Variants in ATR observed in about 807,000 individuals in gnomAD.
The protein encoded by ATR is ATR checkpoint kinase, also known as serine/threonine-protein kinase ATR.
A neutral mutation model predicts 305.3 loss-of-function variants in ATR; 142 were observed. The observed-to-expected ratio is 0.47, with a 90% CI of 0.41 to 0.53. The LOEUF (loss-of-function observed/expected upper bound fraction) is 0.53. Among genes scored for constraint, ATR ranks in the 20% least tolerant of loss-of-function variants. The pLI is 0.00. For missense variants in ATR, 2,135 were observed against 3,133.1 expected, an observed-to-expected ratio of 0.68 and a Z score of 7.60; for synonymous variants, 1,050 against 1,068.1, an observed-to-expected ratio of 0.98 and a Z score of 0.33.
At chr3:142,494,145 A>T (rs1305454918) in intron 34 of ATR, among the ~76,000 whole-genome samples, 1 of 152,194 alleles carries the variant, frequency 6.6e-6, no homozygotes. Context: ...AAGCATTTGC[A>T]CTGTATTAGG....
Position 142,459,350 on chromosome 3 carries a change from C to T in ATR, c.7226G>A (p.Cys2409Tyr), listed in dbSNP as rs2108261929. ...VYMTGKELRQCMLPKSAALSE... is the reference protein window; with the variant it reads ...VYMTGKELRQYMLPKSAALSE... The stretch of plus-strand genomic sequence containing the variant: ...TAAAGCTGCTGACTTTGGTAGCATA[C>T]ACTGGCGAAGTTCTTTTCCTGTCAT... Residue 2409 changes from cysteine to tyrosine, a missense_variant, in exon 43 of 47, where the codon TGT (cysteine) becomes TAT (tyrosine). By Grantham distance (194) the Cys-to-Tyr change is radical (BLOSUM62 -2). Transcript: ENST00000350721. The T allele has an allele frequency of 1.9e-6, 3 of 1,613,912 alleles. No individual in the cohort carries two copies. The highest frequency in any genetic ancestry group is 2.2e-5 in the East Asian group (1 of 44,862).
At chr3:142,548,009 T>G in intron 15 of ATR, 99 bp from the exon 16 acceptor site, 75 of 983,664 alleles carry the variant, frequency 7.6e-5, no homozygotes, top group Middle Eastern at 3.0e-4. Flanking sequence ...TCAGGAGCTC[T>G]AGCCCAGATG....
intron 13 of ATR, among the ~76,000 whole-genome samples, chr3:142,552,655 G>A (rs1027640631): frequency 3.5e-5 from 4 of 115,422 alleles, no homozygotes; most frequent in African/African-American, 1.5e-4. Context: ...GGACAACAGA[G>A]CAATACTCCA....
Position 142,577,690 on chromosome 3 carries a change from TGG to T in ATR, c.59+954_59+955del, listed in dbSNP as rs561828580. ...GCTTAATGTCAGCTTTGACTTTGTGTGGAAAGTTTTCAAACAGTTTAAGAAAT... is the reference window on the plus strand; with the variant it reads ...GCTTAATGTCAGCTTTGACTTTGTGTAAAGTTTTCAAACAGTTTAAGAAAT... On this transcript the variant is annotated intron_variant, in intron 1 of 46. Transcript: ENST00000350721. 4.1e-3 allele frequency among the ~76,000 whole-genome samples: 628 copies of T among 152,350 alleles called. 12 individuals carry two copies. The highest frequency in any genetic ancestry group is 0.015 in the African/African-American group (609 of 41,588).
chr3:142,449,713 C>A, intron 46 of ATR, 111 bp from the exon 47 acceptor site: 1 of 1,165,830 alleles, frequency 8.6e-7, no homozygotes, highest in East Asian at 2.6e-5. Flanking sequence ...TGACCAATAC[C>A]CCTTTTGTAA....
intron 21 of ATR, among the ~76,000 whole-genome samples, chr3:142,530,475 T>C (rs1577643228): frequency 1.3e-5 from 2 of 152,338 alleles, no homozygotes; most frequent in South Asian, 2.1e-4. Flanking sequence ...TGCATACATA[T>C]ATTTTTTCTA....
chr3:142,550,422 T>C, intron 13 of ATR, 120 bp from the exon 14 acceptor site: 1 of 1,090,574 alleles, frequency 9.2e-7, no homozygotes, highest in Non-Finnish European at 1.4e-6. Context: ...AATTGGTCCA[T>C]TCAATTTTTA....
At chr3:142,532,623 T>G (rs1012568809) in intron 21 of ATR, among the ~76,000 whole-genome samples, 2 of 152,184 alleles carry the variant, frequency 1.3e-5, no homozygotes, top group Non-Finnish European at 2.9e-5. Context: ...AAAAAATAGT[T>G]AAGTATCTAA....
At chr3:142,531,485 A>T (rs369176443) in intron 21 of ATR, among the ~76,000 whole-genome samples, 2,837 of 151,842 alleles carry the variant, frequency 0.019, 32 homozygotes, top group South Asian at 0.041. Flanking sequence ...AATTCCCACC[A>T]ATGAGTGAGA....
intron 4 of ATR, 105 bp downstream of exon 4, chr3:142,562,124 TTAC>T: frequency 8.4e-7 from 1 of 1,183,836 alleles, no homozygotes; most frequent in Non-Finnish European, 1.2e-6. Flanking sequence ...CAAATATAAA[TTAC>T]TATTAAAGAT....
chr3:142,513,449 G>A (rs899938965), intron 26 of ATR, 52 bp downstream of exon 26: 17 of 1,587,738 alleles, frequency 1.1e-5, no homozygotes, highest in African/African-American at 1.3e-5. Context: ...TAATTACATT[G>A]GAGAAAGTAA....
At chr3:142,537,833 T>A (rs1013381755) in intron 19 of ATR, among the ~76,000 whole-genome samples, 1 of 152,188 alleles carries the variant, frequency 6.6e-6, no homozygotes, top group Non-Finnish European at 1.5e-5. Context: ...GCATGTTCTG[T>A]CAATAGTAAT....
intron 2 of ATR, 115 bp from the exon 3 acceptor site, chr3:142,566,376 T>C: frequency 8.4e-7 from 1 of 1,188,264 alleles, no homozygotes; most frequent in Non-Finnish European, 1.2e-6. Context: ...CCCTGTACTT[T>C]GGGAGGCTGA....
At position 142,463,455 on chromosome 3, in the gene ATR, G is replaced by A. The variant is rs558059328; in HGVS notation, c.7042-1365C>T. On this transcript the variant is annotated intron_variant, in intron 41 of 46. Transcript: ENST00000350721. ...TCTGTCACCCAGGCTGGAGTGCAGT[G>A]GCACGATCTGGGCTCACTGCAACCT... is the stretch of plus-strand genomic sequence containing the variant. Among the ~76,000 whole-genome samples, 26 of 152,278 alleles carry A rather than the reference G, an allele frequency of 1.7e-4. No homozygotes were observed. In the South Asian group the frequency reaches 5.4e-3, roughly 32 times the overall value.
In ATR at chr3:142,515,487, A is replaced by C. The variant is rs941600870; in HGVS notation, c.4411T>G (p.Trp1471Gly). 6.8e-6 allele frequency: 11 copies of C among 1,611,970 alleles called. No individual in the cohort carries two copies. The highest frequency in any genetic ancestry group is 9.3e-6 in the Non-Finnish European group (11 of 1,178,278). ...TAAATTGGCTTCTTTACTCCAGACC[A>C]ATCGGTTGACTTCTGAGAACTCTTG... ...RYKSSQKSTD[W>G]SGVKKPIYLS... Residue 1471 changes from tryptophan to glycine, a missense_variant, in exon 25 of 47, where the codon TGG becomes GGG. Trp to Gly is a radical substitution (Grantham distance 184). This residue lies in a region of ATR where 202 missense variants were observed against 252.9 expected (regional missense o/e 0.80). Coordinates refer to ENST00000350721, the MANE Select transcript of ATR (RefSeq NM_001184.4).
intron 21 of ATR, among the ~76,000 whole-genome samples, chr3:142,531,046 C>A (rs919051135): frequency 6.6e-6 from 1 of 152,134 alleles, no homozygotes; most frequent in Non-Finnish European, 1.5e-5. Context: ...ATGAGCTCCA[C>A]AGATATCTCT....
At chr3:142,549,822 C>T in intron 14 of ATR, 149 bp from the exon 15 acceptor site, 7 of 768,784 alleles carry the variant, frequency 9.1e-6, no homozygotes, top group South Asian at 7.4e-5. Flanking sequence ...ATCATTTATA[C>T]CACTATAATT....
Position 142,560,402 on chromosome 3 carries a change from G to C in ATR, c.1402C>G (p.Gln468Glu). 1 of 1,613,566 alleles carries C rather than the reference G, an allele frequency of 6.2e-7. No homozygotes were observed. The highest frequency in any genetic ancestry group is 8.5e-7 in the Non-Finnish European group (1 of 1,179,670). The change falls in exon 6 of 47, where the codon CAG becomes GAG. Residue 468 changes from glutamine to glutamate, a missense_variant. By Grantham distance (29) the Gln-to-Glu change is conservative. Transcript: ENST00000350721. The stretch of plus-strand genomic sequence containing the variant: ...GAAATCTGAAGGGATTCAGCTTTCT[G>C]TTTCAGTGCACTCCATAATATGCTC... Reference protein sequence around the residue: ...QKSILWSALKQKAESLQISLE... With the variant: ...QKSILWSALKEKAESLQISLE...
chr3:142,450,845 T>C (rs2070771523), intron 46 of ATR: 3 of 1,357,954 alleles, frequency 2.2e-6, no homozygotes, highest in African/African-American at 2.9e-5. Flanking sequence ...CAGTTGCCAT[T>C]TCTGGAAGTG....
Sources: allele counts gnomAD v4.1 joint callset (sites outside exome capture counted in the v4.1 genomes callset), GRCh38; gene constraint gnomAD v4.1.1; regional missense constraint gnomAD v4.1.1; transcripts MANE v1.5; gene names NCBI Gene and HGNC (gene_info 2026-07-23, HGNC 2026-07-21).